Variants in BTBD9 observed in about 807,000 individuals in gnomAD.
BTBD9 encodes BTB/POZ domain-containing protein 9.
Under a neutral mutation model 64.3 loss-of-function variants are expected in BTBD9, and 49 were observed. The observed-to-expected ratio is 0.76, with a 90% CI of 0.61 to 0.97. BTBD9 has a LOEUF of 0.97. Among genes scored for constraint, BTBD9 ranks in the 50% least tolerant of loss-of-function variants. The probability of loss-of-function intolerance (pLI) is 0.00; values close to 1 mark genes in which losing one functional copy is unlikely to be tolerated. For missense variants in BTBD9, 598 were observed against 762.1 expected (o/e 0.78, Z 2.53); for synonymous variants, 260 against 274.7 (o/e 0.95, Z 0.53).
chr6:38,187,201 CGTT>C (rs1761855638), intron 10 of BTBD9, among the ~76,000 whole-genome samples: 1 of 152,162 alleles, frequency 6.6e-6, no homozygotes, highest in South Asian at 2.1e-4. Context: ...CGTTTGTTAA[CGTT>C]GTTGACAAGG....
chr6:38,487,592 CGAGAGA>C (rs70981555), intron 6 of BTBD9, among the ~76,000 whole-genome samples: 12,773 of 122,716 alleles, frequency 0.1, 916 homozygotes, highest in African/African-American at 0.2. Flanking sequence ...AGAGAGTCAG[CGAGAGA>C]GAGAGAGAGA....
At chr6:38,241,295 A>G (rs2127524605) in intron 9 of BTBD9, among the ~76,000 whole-genome samples, 2 of 152,320 alleles carry the variant, frequency 1.3e-5, no homozygotes, top group Non-Finnish European at 2.9e-5. Context: ...AGAAATTTAC[A>G]CTAAGGCTCT....
At chr6:38,268,313 A>G (rs1182018762) in intron 8 of BTBD9, among the ~76,000 whole-genome samples, 3 of 152,206 alleles carry the variant, frequency 2.0e-5, no homozygotes, top group African/African-American at 7.2e-5. Context: ...GCAGCGCCAA[A>G]GAGAAATTTA....
At chr6:38,511,215 C>T (rs1488140535) in intron 6 of BTBD9, among the ~76,000 whole-genome samples, 1 of 152,132 alleles carries the variant, frequency 6.6e-6, no homozygotes, top group African/African-American at 2.4e-5. Context: ...ACCTTCCCAC[C>T]TGAAAAACTC....
At chr6:38,297,984 G>C (rs1283225648) in intron 7 of BTBD9, among the ~76,000 whole-genome samples, 1 of 151,592 alleles carries the variant, frequency 6.6e-6, no homozygotes, top group Non-Finnish European at 1.5e-5. Flanking sequence ...CGGAATACAG[G>C]TGCCTGCCAC....
intron 2 of BTBD9, among the ~76,000 whole-genome samples, chr6:38,597,453 CCAA>C (rs1777083598): frequency 6.6e-6 from 1 of 152,138 alleles, no homozygotes; most frequent in Non-Finnish European, 1.5e-5. Flanking sequence ...ACCCAAGTAA[CCAA>C]CAACAGCTGC....
chr6:38,488,195 CCCA>C, intron 6 of BTBD9, among the ~76,000 whole-genome samples: 1 of 152,114 alleles, frequency 6.6e-6, no homozygotes, highest in East Asian at 1.9e-4. Context: ...AAGCTATCCT[CCCA>C]CTTCGGCCCC....
intron 7 of BTBD9, among the ~76,000 whole-genome samples, chr6:38,308,482 A>G (rs1762706167): frequency 6.6e-6 from 1 of 152,234 alleles, no homozygotes; most frequent in Admixed American, 6.5e-5. Context: ...AAGAAGTTTT[A>G]ATATAAAGGG....
intron 6 of BTBD9, among the ~76,000 whole-genome samples, chr6:38,557,013 A>C (rs1216124044): frequency 1.1e-5 from 1 of 93,810 alleles, no homozygotes; most frequent in African/African-American, 4.6e-5. Context: ...ACTCCATCTC[A>C]CCAAAAAAAA....
intron 9 of BTBD9, among the ~76,000 whole-genome samples, chr6:38,247,626 A>G (rs541503982): frequency 2.2e-4 from 34 of 152,348 alleles, no homozygotes; most frequent in African/African-American, 7.2e-4. Context: ...GCAAACTCAG[A>G]TGGGAATGAA....
chr6:38,374,323 A>ATATATATATATATG lies in BTBD9; in HGVS notation c.1155-29231_1155-29230insCATATATATATATA, dbSNP rs1562095919. On this transcript the variant is annotated intron_variant, in intron 6 of 10. Transcript: ENST00000481247. Reference sequence around the variant, plus strand: ...TATATATATGTATATATATATATATATATGTATATAAAATCTGTACTCAAA... The same window carrying ATATATATATATATG: ...TATATATATGTATATATATATATATATATATATATATATGTATGTATATAAAATCTGTACTCAAA... Among the ~76,000 whole-genome samples, 25 of 121,800 alleles carry ATATATATATATATG rather than the reference A, an allele frequency of 2.1e-4. 1 individual carries two copies. Among genetic ancestry groups the ATATATATATATATG allele is most frequent in the African/African-American group, 7.9e-4 (24 of 30,202 alleles). The allele number at this position is 121,800 out of a possible 152,430, so 79.9% of individuals were successfully genotyped here.
intron 8 of BTBD9, among the ~76,000 whole-genome samples, chr6:38,268,832 G>A (rs748794941): frequency 6.6e-6 from 1 of 152,146 alleles, no homozygotes; most frequent in Non-Finnish European, 1.5e-5. Context: ...GCTGCGACTC[G>A]TTCCTCCTTC....
intron 6 of BTBD9, among the ~76,000 whole-genome samples, chr6:38,408,343 C>A (rs1487420847): frequency 7.0e-6 from 1 of 143,350 alleles, no homozygotes; most frequent in Non-Finnish European, 1.5e-5. Context: ...CAGAGCAAGA[C>A]CCTGTCTCTA....
chr6:38,422,681 A>G (rs976046841), intron 6 of BTBD9, among the ~76,000 whole-genome samples: 1 of 152,224 alleles, frequency 6.6e-6, no homozygotes, highest in African/African-American at 2.4e-5. Flanking sequence ...ATAATCACTG[A>G]GAATATCTCC....
chr6:38,219,613 T>C (rs1352146984), intron 9 of BTBD9, among the ~76,000 whole-genome samples: 2 of 152,178 alleles, frequency 1.3e-5, no homozygotes, highest in Non-Finnish European at 2.9e-5. Flanking sequence ...AACAACACAA[T>C]AGCAGAATTT....
intron 6 of BTBD9, among the ~76,000 whole-genome samples, chr6:38,401,579 C>T (rs1229304315): frequency 1.3e-4 from 20 of 152,168 alleles, no homozygotes; most frequent in Admixed American, 1.3e-3. Context: ...GTGAAATGAT[C>T]AACCCTGGTA....
At chr6:38,420,583 C>T (rs1309391966) in intron 6 of BTBD9, among the ~76,000 whole-genome samples, 1 of 152,058 alleles carries the variant, frequency 6.6e-6, no homozygotes, top group Non-Finnish European at 1.5e-5. Flanking sequence ...CTAGGCCGGG[C>T]ACAGTGGCTC....
rs2127586984 is a variant in BTBD9 at position 38,339,726 on chromosome 6, T to C, written c.1264+5258A>G. On this transcript the variant is annotated intron_variant, in intron 7 of 10. Transcript: ENST00000481247. Reference sequence around the variant, plus strand: ...TTCATTTCTCTGAATATAGCTCTTTTGCAGGTTTGATTTTGGAACAATGTA... The same window carrying C: ...TTCATTTCTCTGAATATAGCTCTTTCGCAGGTTTGATTTTGGAACAATGTA... 1.3e-5 allele frequency among the ~76,000 whole-genome samples: 2 copies of C among 152,316 alleles called. 1 individual carries two copies. Among genetic ancestry groups the C allele is most frequent in the South Asian group, 4.1e-4 (2 of 4,824 alleles).
intron 6 of BTBD9, among the ~76,000 whole-genome samples, chr6:38,510,306 T>C (rs976849884): frequency 2.6e-5 from 4 of 152,182 alleles, no homozygotes; most frequent in African/African-American, 2.4e-5. Flanking sequence ...TGTAGGTAAC[T>C]GTAATACAAT....
Sources: gnomAD v4.1 joint callset for allele counts (sites outside exome capture counted in the v4.1 genomes callset) on GRCh38, gnomAD v4.1.1 for gene constraint, MANE v1.5 for transcripts, NCBI Gene and HGNC (gene_info 2026-07-23, HGNC 2026-07-21) for gene names.